PAPPA: variants seen among roughly 807,000 people sequenced by gnomAD.
The protein encoded by PAPPA is pappalysin 1, also known as pappalysin-1.
In PAPPA, 60 loss-of-function variants were observed where a neutral mutation model predicts 164.0. The observed-to-expected ratio is 0.37, with a 90% CI of 0.30 to 0.45. The LOEUF is 0.45. Among genes scored for constraint, PAPPA ranks in the 20% least tolerant of loss-of-function variants. The pLI, the probability that PAPPA is intolerant of heterozygous loss-of-function variation, is 1.00. For synonymous variants in PAPPA, 875 were observed against 814.1 expected (o/e 1.07, Z -1.27); for missense variants, 1,782 against 2,087.3 (o/e 0.85, Z 2.85).
intron 7 of PAPPA, among the ~76,000 whole-genome samples, chr9:116,252,260 T>C (rs921992890): frequency 1.3e-5 from 2 of 152,178 alleles, no homozygotes; most frequent in Non-Finnish European, 2.9e-5. Flanking sequence ...ATTACCTGTG[T>C]GAGAGGGATG....
chr9:116,358,660 G>A (rs373402514), intron 17 of PAPPA, among the ~76,000 whole-genome samples: 12 of 152,244 alleles, frequency 7.9e-5, no homozygotes, highest in South Asian at 6.2e-4. Flanking sequence ...ATTTCTTTCC[G>A]CTATTATTTT....
intron 2 of PAPPA, among the ~76,000 whole-genome samples, chr9:116,201,346 G>A (rs1204109865): frequency 6.6e-6 from 1 of 152,182 alleles, no homozygotes; most frequent in East Asian, 1.9e-4. Flanking sequence ...GCGGTTCATG[G>A]ACTTGAGAAC....
At chr9:116,242,159 G>T (rs1844743416) in intron 7 of PAPPA, among the ~76,000 whole-genome samples, 1 of 152,144 alleles carries the variant, frequency 6.6e-6, no homozygotes, top group Non-Finnish European at 1.5e-5. Flanking sequence ...GTGTTATGGT[G>T]TGAGGAGCAC....
intron 1 of PAPPA, among the ~76,000 whole-genome samples, chr9:116,174,242 C>T (rs1045631390): frequency 2.6e-5 from 4 of 152,148 alleles, no homozygotes; most frequent in African/African-American, 9.6e-5. Flanking sequence ...TGGAGGGCAC[C>T]AGCCCTGCAA....
At chr9:116,262,652 G>A (rs1056750889) in intron 7 of PAPPA, among the ~76,000 whole-genome samples, 1 of 152,178 alleles carries the variant, frequency 6.6e-6, no homozygotes, top group Non-Finnish European at 1.5e-5. Context: ...CAGGAGAGCT[G>A]AAGAAAGGAT....
chr9:116,370,166 G>A (rs568730352), intron 19 of PAPPA, among the ~76,000 whole-genome samples: 1 of 152,222 alleles, frequency 6.6e-6, no homozygotes, highest in African/African-American at 2.4e-5. Context: ...TTATCCCCGG[G>A]GTAAGAGAGT....
In PAPPA at chr9:116,332,428, C is replaced by T. The variant is rs1351263436; in HGVS notation, c.3357C>T (p.Ser1119=). Residue 1119 remains serine (S), a synonymous_variant, in exon 12 of 22, where the codon AGC becomes AGT. Transcript: ENST00000328252. ...YYGDQKQETI[S]VQLLDTKDQS... ...GGGACCAAAAGCAGGAGACCATCAGCGTGCAGCTGCTTGATACCAAAGATC... is the reference window on the plus strand; with the variant it reads ...GGGACCAAAAGCAGGAGACCATCAGTGTGCAGCTGCTTGATACCAAAGATC... 5 of 1,613,810 alleles carry T rather than the reference C, an allele frequency of 3.1e-6. No individual in the cohort carries two copies. Among genetic ancestry groups the T allele is most frequent in the East Asian group, 2.2e-5 (1 of 44,892 alleles).
At chr9:116,314,290 C>T (rs1008394424) in intron 10 of PAPPA, among the ~76,000 whole-genome samples, 4 of 151,646 alleles carry the variant, frequency 2.6e-5, no homozygotes, top group African/African-American at 4.8e-5. Context: ...AGGATGGTCT[C>T]GATCTCCTGA....
intron 19 of PAPPA, 107 bp downstream of exon 19, chr9:116,367,861 C>T (rs1469108048): frequency 1.3e-6 from 1 of 768,806 alleles, no homozygotes; most frequent in East Asian, 2.7e-5. Flanking sequence ...ACACATATTA[C>T]CTCATTTAAT....
chr9:116,209,461 G>A (rs1844280488), intron 3 of PAPPA, among the ~76,000 whole-genome samples: 1 of 152,184 alleles, frequency 6.6e-6, no homozygotes, highest in Non-Finnish European at 1.5e-5. Context: ...GAAGGATTGA[G>A]TAGCAGGCTT....
chr9:116,304,322 A>G (rs888270627), intron 10 of PAPPA, among the ~76,000 whole-genome samples: 1 of 152,254 alleles, frequency 6.6e-6, no homozygotes, highest in African/African-American at 2.4e-5. Context: ...ACACACATAC[A>G]CATACATACA....
At chr9:116,234,629 G>A (rs541630381) in intron 6 of PAPPA, among the ~76,000 whole-genome samples, 1 of 152,196 alleles carries the variant, frequency 6.6e-6, no homozygotes, top group East Asian at 1.9e-4. Context: ...CATCCAATAG[G>A]GAGAACAGCA....
chr9:116,340,709 G>GA (rs929890249), intron 13 of PAPPA, among the ~76,000 whole-genome samples: 61 of 150,956 alleles, frequency 4.0e-4, no homozygotes, highest in African/African-American at 1.3e-3. Flanking sequence ...AATGTCCCAT[G>GA]AAAAAAAAAT....
intron 3 of PAPPA, among the ~76,000 whole-genome samples, chr9:116,209,877 G>A (rs950601098): frequency 6.6e-6 from 1 of 152,168 alleles, no homozygotes; most frequent in African/African-American, 2.4e-5. Context: ...AGGCCAGTGT[G>A]AAGCAGAACA....
At chr9:116,186,206 A>ATGTGTG (rs3037575) in intron 1 of PAPPA, among the ~76,000 whole-genome samples, 229 of 145,222 alleles carry the variant, frequency 1.6e-3, no homozygotes, top group African/African-American at 5.5e-3. Context: ...CACTCATTAT[A>ATGTGTG]TGTGTGTGTG....
At chr9:116,260,741 G>C (rs1022906955) in intron 7 of PAPPA, among the ~76,000 whole-genome samples, 2 of 145,010 alleles carry the variant, frequency 1.4e-5, no homozygotes, top group Admixed American at 6.8e-5. Context: ...TTCTTTCATA[G>C]TTAAAAAAAA....
At chr9:116,210,061 C>G (rs894869621) in intron 3 of PAPPA, among the ~76,000 whole-genome samples, 1 of 152,074 alleles carries the variant, frequency 6.6e-6, no homozygotes, top group Non-Finnish European at 1.5e-5. Context: ...CTGGAAAAAG[C>G]CTTGGGTGGG....
intron 7 of PAPPA, among the ~76,000 whole-genome samples, chr9:116,253,652 CA>C (rs1356610517): frequency 6.6e-6 from 1 of 151,992 alleles, no homozygotes; most frequent in African/African-American, 2.4e-5. Context: ...AATACTCAGA[CA>C]AAATTGGAAT....
chr9:116,320,029 G>A (rs1845834704), intron 10 of PAPPA, among the ~76,000 whole-genome samples: 1 of 152,190 alleles, frequency 6.6e-6, no homozygotes, highest in Admixed American at 6.5e-5. Context: ...GTATGAAATT[G>A]AGGAATTTAA....
Sources: allele counts gnomAD v4.1 joint callset (sites outside exome capture counted in the v4.1 genomes callset), GRCh38; gene constraint gnomAD v4.1.1; transcripts MANE v1.5; gene names NCBI Gene and HGNC (gene_info 2026-07-23, HGNC 2026-07-21).